The following RGS7 variants were observed in gnomAD, a reference collection of about 807,000 sequenced individuals.
RGS7 encodes the protein regulator of G protein signaling 7, also known as regulator of G-protein signaling 7.
RGS7 carries 27 observed loss-of-function variants against 81.1 expected under a neutral mutation model. The observed-to-expected ratio is 0.33, with a 90% CI of 0.25 to 0.46. The LOEUF is 0.46. Among genes scored for constraint, RGS7 ranks in the 20% least tolerant of loss-of-function variants. The probability of loss-of-function intolerance (pLI) is 1.00; values close to 1 mark genes in which losing one functional copy is unlikely to be tolerated. For synonymous variants in RGS7, 208 were observed against 207.7 expected, an observed-to-expected ratio of 1.00 and a Z score of -0.01; for missense variants, 396 against 607.4, an observed-to-expected ratio of 0.65 and a Z score of 3.66.
chr1:240,784,508 T>C (rs1301553352), intron 18 of RGS7, among the ~76,000 whole-genome samples: 6 of 149,238 alleles, frequency 4.0e-5, no homozygotes, highest in Non-Finnish European at 7.4e-5. Context: ...TAGCCGGGCG[T>C]GGTGGCGGGC....
chr1:241,010,556 C>G lies in RGS7; in HGVS notation c.176-27427G>C, dbSNP rs1001396959. Reference sequence around the variant, plus strand: ...CGTTTGTAACATGCCAAGAATGAAACTGCATTTTGGGATACTTTATTTTGC... The same window carrying G: ...CGTTTGTAACATGCCAAGAATGAAAGTGCATTTTGGGATACTTTATTTTGC... On this transcript the variant is annotated intron_variant, in intron 3 of 18. Coordinates refer to ENST00000440928, the MANE Select transcript of RGS7 (RefSeq NM_001364886.1). Among the ~76,000 whole-genome samples, 4 of 152,176 alleles carry G rather than the reference C, an allele frequency of 2.6e-5. No individual in the cohort carries two copies. The East Asian group carries it at 7.7e-4, about 29-fold the overall frequency.
At chr1:241,076,845 C>A (rs542441637) in intron 3 of RGS7, among the ~76,000 whole-genome samples, 13 of 152,282 alleles carry the variant, frequency 8.5e-5, no homozygotes, top group African/African-American at 2.4e-4. Flanking sequence ...ACTCCAACGC[C>A]TCAAAAGAAA....
intron 6 of RGS7, among the ~76,000 whole-genome samples, chr1:240,875,171 C>A (rs2148053590): frequency 6.6e-6 from 1 of 152,312 alleles, no homozygotes; most frequent in South Asian, 2.1e-4. Context: ...AAACTTTGCG[C>A]TCTTTAACCA....
intron 3 of RGS7, among the ~76,000 whole-genome samples, chr1:241,060,550 C>T (rs1252900588): frequency 6.6e-6 from 1 of 152,086 alleles, no homozygotes; most frequent in African/African-American, 2.4e-5. Context: ...TTCCCTAAAT[C>T]CTATTGATTG....
At chr1:241,342,763 T>C (rs571963732) in intron 2 of RGS7, among the ~76,000 whole-genome samples, 3 of 152,180 alleles carry the variant, frequency 2.0e-5, no homozygotes, top group Admixed American at 2.0e-4. Flanking sequence ...CAGTGAGCAC[T>C]TGAAAAGATG....
intron 2 of RGS7, among the ~76,000 whole-genome samples, chr1:241,208,233 G>C (rs544332213): frequency 6.6e-6 from 1 of 152,242 alleles, no homozygotes; most frequent in Admixed American, 6.5e-5. Flanking sequence ...AATAGAAAGA[G>C]TAGTAATTCT....
chr1:240,912,150 CAAAAAAAAAAA>C (rs374318547), intron 6 of RGS7, among the ~76,000 whole-genome samples: 1 of 55,782 alleles, frequency 1.8e-5, no homozygotes, highest in Admixed American at 3.5e-4. Flanking sequence ...GATTCTGTCT[CAAAAAAAAAAA>C]AAAAAAAAAA....
intron 2 of RGS7, among the ~76,000 whole-genome samples, chr1:241,277,470 T>C (rs2078256019): frequency 6.6e-6 from 1 of 152,016 alleles, no homozygotes; most frequent in Non-Finnish European, 1.5e-5. Context: ...ATACAAAAAA[T>C]TAGCCGGGCG....
chr1:240,921,529 A>G (rs1468773252), intron 6 of RGS7, among the ~76,000 whole-genome samples: 1 of 152,116 alleles, frequency 6.6e-6, no homozygotes, highest in Non-Finnish European at 1.5e-5. Context: ...GACAATCTCA[A>G]AGAAACAACA....
At chr1:240,945,349 A>G (rs931674743) in intron 4 of RGS7, among the ~76,000 whole-genome samples, 1 of 152,248 alleles carries the variant, frequency 6.6e-6, no homozygotes, top group Admixed American at 6.5e-5. Context: ...TACACAGAGC[A>G]AATGAATGCT....
chr1:241,252,428 T>A (rs1192643861), intron 2 of RGS7, among the ~76,000 whole-genome samples: 1 of 152,140 alleles, frequency 6.6e-6, no homozygotes, highest in African/African-American at 2.4e-5. Context: ...AGCCCATAGT[T>A]CTCAATAACT....
chr1:241,001,264 C>A (rs1490023769), intron 3 of RGS7, among the ~76,000 whole-genome samples: 1 of 152,096 alleles, frequency 6.6e-6, no homozygotes, highest in Non-Finnish European at 1.5e-5. Context: ...CTCTTCCATC[C>A]AGTTTGGAAA....
At chr1:241,218,727 C>T (rs2815866) in intron 2 of RGS7, among the ~76,000 whole-genome samples, 27,024 of 152,142 alleles carry the variant, frequency 0.18, 2,971 homozygotes, top group African/African-American at 0.31. Flanking sequence ...TCACCGCAAC[C>T]TCCACCTCCC....
intron 15 of RGS7, among the ~76,000 whole-genome samples, chr1:240,805,229 A>T (rs1049205339): frequency 6.6e-6 from 1 of 152,016 alleles, no homozygotes; most frequent in African/African-American, 2.4e-5. Flanking sequence ...AAAAAATAAA[A>T]AAAAATTAGC....
intron 2 of RGS7, among the ~76,000 whole-genome samples, chr1:241,143,359 A>G (rs1325282347): frequency 6.6e-6 from 1 of 152,202 alleles, no homozygotes; most frequent in Non-Finnish European, 1.5e-5. Flanking sequence ...GAGACTTGCC[A>G]ATTTACAAAA....
At chr1:240,919,289 A>T (rs2148291927) in intron 6 of RGS7, among the ~76,000 whole-genome samples, 1 of 152,144 alleles carries the variant, frequency 6.6e-6, no homozygotes, top group East Asian at 1.9e-4. Flanking sequence ...GGAAGACTAC[A>T]GACCAATACT....
At chr1:240,971,622 T>C (rs1318083480) in intron 4 of RGS7, among the ~76,000 whole-genome samples, 2 of 152,216 alleles carry the variant, frequency 1.3e-5, no homozygotes, top group African/African-American at 4.8e-5. Context: ...AAATGCACGT[T>C]TGCAAGATGA....
intron 6 of RGS7, among the ~76,000 whole-genome samples, chr1:240,905,322 A>G (rs1176025059): frequency 6.6e-6 from 1 of 152,218 alleles, no homozygotes; most frequent in South Asian, 2.1e-4. Flanking sequence ...AGAATATGTA[A>G]AAGAACCCTT....
intron 2 of RGS7, among the ~76,000 whole-genome samples, chr1:241,348,806 G>A (rs1003839869): frequency 2.6e-5 from 4 of 152,064 alleles, no homozygotes; most frequent in South Asian, 4.1e-4. Context: ...AATGTAAGAC[G>A]GGACATTTTA....
Sources: gnomAD v4.1 joint callset for allele counts (sites outside exome capture counted in the v4.1 genomes callset) on GRCh38, gnomAD v4.1.1 for gene constraint, MANE v1.5 for transcripts, NCBI Gene and HGNC (gene_info 2026-07-23, HGNC 2026-07-21) for gene names.